The following CELSR3 variants were observed in gnomAD, a reference collection of about 807,000 sequenced individuals.
CELSR3 encodes the protein EGF-like protein 1.
A neutral mutation model predicts 270.0 loss-of-function variants in CELSR3; 73 were observed. The observed-to-expected ratio is 0.27, with a 90% CI of 0.22 to 0.33. The LOEUF (loss-of-function observed/expected upper bound fraction) is 0.33. Ranked by LOEUF, CELSR3 falls within the 10% of genes least tolerant of loss-of-function variation. The pLI, the probability that CELSR3 is intolerant of heterozygous loss-of-function variation, is 1.00. For synonymous variants in CELSR3, 1,780 were observed against 1,905.4 expected (o/e 0.93, Z 1.71); for missense variants, 3,614 against 4,533.8 (o/e 0.80, Z 5.83).
chr3:48,659,000 C>A lies in CELSR3; in HGVS notation c.3635G>T (p.Arg1212Leu), dbSNP rs370337034. The A allele has an allele frequency of 1.9e-6, 3 of 1,614,188 alleles. No individual in the cohort carries two copies. Among genetic ancestry groups the A allele is most frequent in the Non-Finnish European group, 1.7e-6 (2 of 1,180,040 alleles). The change falls in exon 1 of 35, where the codon CGT (arginine) becomes CTT (leucine). Residue 1212 changes from arginine to leucine, a missense_variant. Arg to Leu is a moderately radical substitution (Grantham distance 102). Around this residue, in one of 7 missense-constraint regions of CELSR3, gnomAD observed 1,331 missense variants for 1,933.7 expected, o/e 0.69. Transcript: ENST00000164024. This position sits in a 1 kb window ranked among gnomAD's most constrained non-coding sequence, Gnocchi z 4.7. Reference protein sequence around the residue: ...VSDHLFYSFERGNELQLLVVN... With the variant: ...VSDHLFYSFELGNELQLLVVN... Reference sequence around the variant, plus strand: ...TACCAGCAGCTGCAGCTCATTGCCACGCTCAAAGGAGTAGAAGAGGTGGTC... The same window carrying A: ...TACCAGCAGCTGCAGCTCATTGCCAAGCTCAAAGGAGTAGAAGAGGTGGTC...
chr3:48,646,701 C>A lies in CELSR3; in HGVS notation c.7295+62G>T. ...GTTGTGAACCTACGCATCTACCCAC[C>A]AAAAAAGGGGCTGCCAGGCTGAGAA... On this transcript the variant is annotated intron_variant, in intron 21 of 34. Transcript: ENST00000164024. The surrounding 1 kb of genome is among the most constrained non-coding windows in gnomAD (Gnocchi z 4.8). 6.5e-7 allele frequency: 1 copy of A among 1,545,106 alleles called. No homozygotes were observed. Among genetic ancestry groups the A allele is most frequent in the Non-Finnish European group, 8.7e-7 (1 of 1,144,784 alleles).
chr3:48,661,795 A>T lies in CELSR3; in HGVS notation c.840T>A (p.Gly280=). The T allele has an allele frequency of 6.2e-7, 1 of 1,606,906 alleles. No individual in the cohort carries two copies. Among genetic ancestry groups the T allele is most frequent in the Non-Finnish European group, 8.5e-7 (1 of 1,178,422 alleles). Residue 280 remains glycine (G), a synonymous_variant, in exon 1 of 35, where the codon GGT becomes GGA. Transcript: ENST00000164024. Reference sequence around the variant, plus strand: ...GCGGGAGGAAGCGGCAGCGGAAGAGACCCCGGGAGCGCATGCGCTTGGGCG... The same window carrying T: ...GCGGGAGGAAGCGGCAGCGGAAGAGTCCCCGGGAGCGCATGCGCTTGGGCG... ...EPAPKRMRSR[G]LFRCRFLPQR...
At position 48,662,028 on chromosome 3, in the gene CELSR3, G is replaced by A. The variant is rs766061440; in HGVS notation, c.607C>T (p.Arg203Cys). ...TGSRKRVGTA[R>C]CCGELWATGS... is the part of the protein sequence containing the mutation. ...GTTGCCCATAATTCCCCACAGCAGCGCGCGGTGCCCACTCTTTTGCGGGAG... is the reference window on the plus strand; with the variant it reads ...GTTGCCCATAATTCCCCACAGCAGCACGCGGTGCCCACTCTTTTGCGGGAG... Residue 203 changes from arginine (R) to cysteine (C), a missense_variant, in exon 1 of 35, where the codon CGC becomes TGC. This residue lies in a region of CELSR3 where 470 missense variants were observed against 469.7 expected (regional missense o/e 1.00). Coordinates refer to ENST00000164024, the MANE Select transcript of CELSR3 (RefSeq NM_001407.3). This position sits in a 1 kb window ranked among gnomAD's most constrained non-coding sequence, Gnocchi z 7.1. 4 of 1,614,078 alleles carry A rather than the reference G, an allele frequency of 2.5e-6. No individual in the cohort carries two copies. In the South Asian group the frequency reaches 4.4e-5, roughly 18 times the overall value.
In CELSR3 at chr3:48,646,299, C is replaced by G. The variant is rs1167528986; in HGVS notation, c.7296-42G>C. 1 of 1,567,354 alleles carries G rather than the reference C, an allele frequency of 6.4e-7. No individual in the cohort carries two copies. The highest frequency in any genetic ancestry group is 1.2e-5 in the South Asian group (1 of 86,054). On this transcript the variant is annotated intron_variant, in intron 21 of 34. Coordinates refer to ENST00000164024, the MANE Select transcript of CELSR3 (RefSeq NM_001407.3). The surrounding 1 kb of genome is among the most constrained non-coding windows in gnomAD (Gnocchi z 4.8). ...CTGGGCTTACGCACTGCTGACCTCC[C>G]CATGCTCAGCCTGCTTGCCTCACCC... is the stretch of plus-strand genomic sequence containing the variant.
rs2047149686 is a variant in CELSR3 at position 48,652,908 on chromosome 3, G to C, written c.5634+94C>G. 2.9e-6 allele frequency: 3 copies of C among 1,031,620 alleles called. No individual in the cohort carries two copies. The East Asian group carries it at 7.1e-5, about 25-fold the overall frequency. 63.9% of individuals were successfully genotyped at this position (1,031,620 alleles called of 1,614,324 possible). On this transcript the variant is annotated intron_variant, in intron 10 of 34. Coordinates refer to ENST00000164024, the MANE Select transcript of CELSR3 (RefSeq NM_001407.3). This position sits in a 1 kb window ranked among gnomAD's most constrained non-coding sequence, Gnocchi z 4.3. ...AGAACATCAGACTCAGTGCAGTGGA[G>C]GGAACTGAGAGGAGCTGGACTAGAG...
intron 28 of CELSR3, 165 bp downstream of exon 28, chr3:48,643,389 G>C: frequency 1.0e-6 from 1 of 965,860 alleles, no homozygotes; most frequent in Non-Finnish European, 1.5e-6. Context: ...CTCCAGGCCT[G>C]GGGGCAGCAG....
intron 28 of CELSR3, 57 bp downstream of exon 28, chr3:48,643,497 C>T (rs2047048944): frequency 6.5e-7 from 1 of 1,532,480 alleles, no homozygotes; most frequent in Non-Finnish European, 8.8e-7. Context: ...CTAGGGATGG[C>T]CCCAGCCTAC....
Position 48,650,433 on chromosome 3 carries a change from A to AGGGGGGGGGGGGGG in CELSR3, c.6472+46_6472+47insCCCCCCCCCCCCCC. 12 of 927,796 alleles carry AGGGGGGGGGGGGGG rather than the reference A, an allele frequency of 1.3e-5. No homozygotes were observed. Among genetic ancestry groups the AGGGGGGGGGGGGGG allele is most frequent in the Admixed American group, 2.0e-5 (1 of 49,590 alleles). The allele number at this position is 927,796 out of a possible 1,614,324, so 57.5% of individuals were successfully genotyped here. A position where few individuals can be genotyped will look rare whatever the true frequency, so the allele number is the denominator to read the frequency against. On this transcript the variant is annotated intron_variant, in intron 16 of 34. Coordinates refer to ENST00000164024, the MANE Select transcript of CELSR3 (RefSeq NM_001407.3). The surrounding 1 kb of genome is among the most constrained non-coding windows in gnomAD (Gnocchi z 5.1). ...GACATGGCTCTAGCAGTCAGAGTAC[A>AGGGGGGGGGGGGGG]GGCCCACCCCCACCCTCAGTGATGT... is the stretch of plus-strand genomic sequence containing the variant.
At position 48,645,144 on chromosome 3, in the gene CELSR3, G is replaced by A. The variant is rs777900048; in HGVS notation, c.7863C>T (p.Phe2621=). The stretch of plus-strand genomic sequence containing the variant: ...TGCGGTAGAGGTGCAGCCCCTGCAC[G>A]AAGAGCCACGCGAAGGTGCTGAGGA... ...YFFLSTFAWL[F]VQGLHLYRMQ... Residue 2621 remains phenylalanine, a synonymous_variant, in exon 25 of 35, where the codon TTC becomes TTT. Coordinates refer to ENST00000164024, the MANE Select transcript of CELSR3 (RefSeq NM_001407.3). This position sits in a 1 kb window ranked among gnomAD's most constrained non-coding sequence, Gnocchi z 5.4. The A allele has an allele frequency of 5.1e-5, 81 of 1,599,996 alleles. No homozygotes were observed. Among genetic ancestry groups the A allele is most frequent in the Middle Eastern group, 3.3e-4 (2 of 6,046 alleles).
chr3:48,639,898 G>A lies in CELSR3; in HGVS notation c.9687C>T (p.Asp3229=). 1 of 1,613,304 alleles carries A rather than the reference G, an allele frequency of 6.2e-7. No individual in the cohort carries two copies. Residue 3229 remains aspartate (D), a synonymous_variant, in exon 34 of 35, where the codon GAC becomes GAT. Coordinates refer to ENST00000164024, the MANE Select transcript of CELSR3 (RefSeq NM_001407.3). This position sits in a 1 kb window ranked among gnomAD's most constrained non-coding sequence, Gnocchi z 4.1. The part of the protein sequence containing the change: ...PLPQLLRARE[D]SVSGPSHGPS... ...GGCCATGGCTGGGGCCACTGACCGA[G>A]TCCTCCCTAGCTCTGAGCAGCTGCG...
Position 48,654,971 on chromosome 3 carries a change from G to T in CELSR3, c.4988+73C>A. 7.0e-7 allele frequency: 1 copy of T among 1,429,002 alleles called. No homozygotes were observed. The highest frequency in any genetic ancestry group is 9.9e-7 in the Non-Finnish European group (1 of 1,013,828). The allele number at this position is 1,429,002 out of a possible 1,614,324, so 88.5% of individuals were successfully genotyped here. On this transcript the variant is annotated intron_variant, in intron 6 of 34. Coordinates refer to ENST00000164024, the MANE Select transcript of CELSR3 (RefSeq NM_001407.3). This position sits in a 1 kb window ranked among gnomAD's most constrained non-coding sequence, Gnocchi z 5.4. ...GGGAGAGTTTGGCAGGATGGGATGA[G>T]GAATGGGATGTGAAGGGTTGGAGTG...
chr3:48,639,923 G>C lies in CELSR3; in HGVS notation c.9662C>G (p.Pro3221Arg). 6.2e-7 allele frequency: 1 copy of C among 1,613,056 alleles called. No homozygotes were observed. Among genetic ancestry groups the C allele is most frequent in the Non-Finnish European group, 8.5e-7 (1 of 1,180,000 alleles). Reference sequence around the variant, plus strand: ...GTCCTCCCTAGCTCTGAGCAGCTGCGGGAGTGGCCCAAGGGCTTCTCGTGA... The same window carrying C: ...GTCCTCCCTAGCTCTGAGCAGCTGCCGGAGTGGCCCAAGGGCTTCTCGTGA... ...HPSREALGPL[P>R]QLLRAREDSV... Residue 3221 changes from proline to arginine, a missense_variant, in exon 34 of 35, where the codon CCG becomes CGG. By Grantham distance (103) the Pro-to-Arg change is moderately radical. This residue lies in a region of CELSR3 where 1,240 missense variants were observed against 1,351.7 expected (regional missense o/e 0.92). Transcript: ENST00000164024. This position sits in a 1 kb window ranked among gnomAD's most constrained non-coding sequence, Gnocchi z 4.1.
In CELSR3 at chr3:48,648,378, G is replaced by T; in HGVS notation, c.6861C>A (p.Gly2287=). ...WAALGQRAPG[G]SPGSAGLVRH... ...TCACCAGTCCCGCGCTGCCTGGGGA[G>T]CCCCCAGGGGCCCGCTGCCCCAGCG... The change falls in exon 19 of 35, where the codon GGC becomes GGA. Residue 2287 remains glycine, a synonymous_variant. Transcript: ENST00000164024. The T allele has an allele frequency of 6.2e-7, 1 of 1,611,288 alleles. No individual in the cohort carries two copies. The highest frequency in any genetic ancestry group is 1.1e-5 in the South Asian group (1 of 90,962).
At position 48,654,550 on chromosome 3, in the gene CELSR3, G is replaced by A; in HGVS notation, c.4989-98C>T. 9.8e-7 allele frequency: 1 copy of A among 1,020,422 alleles called. No homozygotes were observed. Among genetic ancestry groups the A allele is most frequent in the Non-Finnish European group, 1.4e-6 (1 of 702,330 alleles). 63.2% of individuals were successfully genotyped at this position (1,020,422 alleles called of 1,614,324 possible). Reference sequence around the variant, plus strand: ...GCAGGGGGGTAGGACCCAGAGGGTAGGGTGATTGAGGGAGGAAAATAAGGC... The same window carrying A: ...GCAGGGGGGTAGGACCCAGAGGGTAAGGTGATTGAGGGAGGAAAATAAGGC... On this transcript the variant is annotated intron_variant, in intron 6 of 34. Transcript: ENST00000164024. This position sits in a 1 kb window ranked among gnomAD's most constrained non-coding sequence, Gnocchi z 5.4.
In CELSR3 at chr3:48,644,180, C is replaced by G; in HGVS notation, c.8165+36G>C. 6.3e-6 allele frequency: 10 copies of G among 1,585,776 alleles called. No homozygotes were observed. Among genetic ancestry groups the G allele is most frequent in the Non-Finnish European group, 8.6e-6 (10 of 1,157,264 alleles). On this transcript the variant is annotated intron_variant, in intron 27 of 34. Transcript: ENST00000164024. The surrounding 1 kb of genome is among the most constrained non-coding windows in gnomAD (Gnocchi z 4.8). ...ACCCCACCCAGGAGGGACCTGCCATCCTGAGAAGCCCCCTTCCTCCAGCCA... is the reference window on the plus strand; with the variant it reads ...ACCCCACCCAGGAGGGACCTGCCATGCTGAGAAGCCCCCTTCCTCCAGCCA...
chr3:48,642,226 C>G lies in CELSR3; in HGVS notation c.8665+132G>C, dbSNP rs916806994. The G allele has an allele frequency of 5.6e-5, 56 of 1,008,580 alleles. No homozygotes were observed. Among genetic ancestry groups the G allele is most frequent in the Non-Finnish European group, 7.0e-5 (49 of 704,376 alleles). 62.5% of individuals were successfully genotyped at this position (1,008,580 alleles called of 1,614,324 possible). On this transcript the variant is annotated intron_variant, in intron 31 of 34. Coordinates refer to ENST00000164024, the MANE Select transcript of CELSR3 (RefSeq NM_001407.3). This position sits in a 1 kb window ranked among gnomAD's most constrained non-coding sequence, Gnocchi z 6.1. Reference sequence around the variant, plus strand: ...AGAACCAGGGCTGGAGAGGTAGGTGCCTCCTGAGGCAGGGACCCTGGGGGA... The same window carrying G: ...AGAACCAGGGCTGGAGAGGTAGGTGGCTCCTGAGGCAGGGACCCTGGGGGA...
rs143220701 is a variant in CELSR3 at position 48,651,926 on chromosome 3, G to A, written c.5874C>T (p.His1958=). 1.2e-4 allele frequency: 196 copies of A among 1,612,348 alleles called. No homozygotes were observed. Among genetic ancestry groups the A allele is most frequent in the Non-Finnish European group, 1.6e-4 (183 of 1,179,582 alleles). ...NACASGPCPP[H]ADCRDLWQTF... Reference sequence around the variant, plus strand: ...TCTGCCAGAGGTCCCGGCAGTCTGCGTGAGGTGGGCAGGGCCCAGAGGCAC... The same window carrying A: ...TCTGCCAGAGGTCCCGGCAGTCTGCATGAGGTGGGCAGGGCCCAGAGGCAC... Residue 1958 remains histidine, a synonymous_variant, in exon 12 of 35, where the codon CAC becomes CAT. Transcript: ENST00000164024. This position sits in a 1 kb window ranked among gnomAD's most constrained non-coding sequence, Gnocchi z 7.4.
chr3:48,657,134 T>C lies in CELSR3; in HGVS notation c.3963A>G (p.Val1321=). 6.2e-7 allele frequency: 1 copy of C among 1,613,976 alleles called. No individual in the cohort carries two copies. Among genetic ancestry groups the C allele is most frequent in the South Asian group, 1.1e-5 (1 of 91,082 alleles). ...FIFNIQNDTD[V]GGTVLNVSFS... is the part of the protein sequence containing the mutation. ...AACTCACATTGAGCACGGTGCCCCC[T>C]ACGTCTGTGTCGTTCTGGATGTTGA... Residue 1321 remains valine (V), a synonymous_variant, in exon 2 of 35, where the codon GTA becomes GTG. Coordinates refer to ENST00000164024, the MANE Select transcript of CELSR3 (RefSeq NM_001407.3). This position sits in a 1 kb window ranked among gnomAD's most constrained non-coding sequence, Gnocchi z 5.4.
chr3:48,662,153 C>A lies in CELSR3; in HGVS notation c.482G>T (p.Gly161Val). ...CGAGCTGTTCCCCGAGCCCGGGACC[C>A]CTGAGGACAGAGCCCCTGGTGACAG... ...GSLSPGALSSGVPGSGNSSPL... is the reference protein window; with the variant it reads ...GSLSPGALSSVVPGSGNSSPL... The change falls in exon 1 of 35, where the codon GGG becomes GTG. Residue 161 changes from glycine to valine, a missense_variant. By Grantham distance (109) the Gly-to-Val change is moderately radical (BLOSUM62 -3). This residue lies in a region of CELSR3 where 470 missense variants were observed against 469.7 expected (regional missense o/e 1.00). Transcript: ENST00000164024. The surrounding 1 kb of genome is among the most constrained non-coding windows in gnomAD (Gnocchi z 7.1). 1.2e-6 allele frequency: 2 copies of A among 1,612,894 alleles called. No homozygotes were observed. Among genetic ancestry groups the A allele is most frequent in the Non-Finnish European group, 1.7e-6 (2 of 1,179,560 alleles).
Sources: allele counts gnomAD v4.1 joint callset, GRCh38; gene constraint gnomAD v4.1.1; regional missense constraint gnomAD v4.1.1; non-coding constraint Gnocchi (gnomAD v3.1); transcripts MANE v1.5; gene names NCBI Gene and HGNC (gene_info 2026-07-23, HGNC 2026-07-21).